The following EIF5B variants were observed in gnomAD, a reference collection of about 807,000 sequenced individuals.
The protein encoded by EIF5B is eIF-5B.
Under a neutral mutation model 147.5 loss-of-function variants are expected in EIF5B, and 47 were observed. The observed-to-expected ratio is 0.32, with a 90% CI of 0.25 to 0.41. EIF5B has a LOEUF of 0.41. Ranked by LOEUF, EIF5B falls within the 10% of genes least tolerant of loss-of-function variation. EIF5B has a pLI of 1.00. For synonymous variants in EIF5B, 455 were observed against 456.2 expected (o/e 1.00, Z 0.03); for missense variants, 1,064 against 1,413.2 (o/e 0.75, Z 3.96).
At chr2:99,338,610 T>G (rs1319369763) in intron 1 of EIF5B, among the ~76,000 whole-genome samples, 2 of 152,212 alleles carry the variant, frequency 1.3e-5, no homozygotes, top group Non-Finnish European at 2.9e-5. Context: ...TGAGTAGAAT[T>G]AAAAGACAAC....
intron 9 of EIF5B, among the ~76,000 whole-genome samples, chr2:99,374,150 G>A (rs1218818478): frequency 6.6e-5 from 10 of 152,050 alleles, no homozygotes; most frequent in African/African-American, 7.2e-5. Flanking sequence ...TTAGCTGGGC[G>A]TGGTGGCGTG....
At chr2:99,352,525 C>CTT (rs1163069277) in intron 1 of EIF5B, among the ~76,000 whole-genome samples, 21 of 128,176 alleles carry the variant, frequency 1.6e-4, no homozygotes, top group African/African-American at 4.3e-4. Context: ...CTAATTGTGT[C>CTT]TTTTTTTTTT....
chr2:99,382,720 T>A, intron 13 of EIF5B, 60 bp from the exon 14 acceptor site: 1 of 1,480,732 alleles, frequency 6.8e-7, no homozygotes, highest in Non-Finnish European at 9.0e-7. Flanking sequence ...GTTTAAAAGT[T>A]TAAGAAAAGT....
Position 99,364,318 on chromosome 2 carries a change from A to T in EIF5B, c.1185A>T (p.Lys395Asn). 6.2e-7 allele frequency: 1 copy of T among 1,607,334 alleles called. No homozygotes were observed. The highest frequency in any genetic ancestry group is 8.5e-7 in the Non-Finnish European group (1 of 1,178,362). Residue 395 changes from lysine to asparagine, a missense_variant, in exon 6 of 24, where the codon AAA becomes AAT. Transcript: ENST00000289371. The part of the protein sequence containing the change: ...EKRERKKQKE[K>N]ERKERLKKEG... ...GAGAAAGGAAAAAGCAAAAAGAAAA[A>T]GAAAGAAAAGAACGCTTGAAAAAAG...
intron 9 of EIF5B, among the ~76,000 whole-genome samples, chr2:99,374,308 A>G (rs1674518532): frequency 6.6e-6 from 1 of 151,518 alleles, no homozygotes; most frequent in Admixed American, 6.6e-5. Flanking sequence ...AAAAAAAAAA[A>G]AAGATATAAT....
chr2:99,372,665 G>A (rs933705726), intron 9 of EIF5B, among the ~76,000 whole-genome samples: 1 of 152,066 alleles, frequency 6.6e-6, no homozygotes, highest in Non-Finnish European at 1.5e-5. Context: ...TACAAAAATG[G>A]GCATTTTCTA....
intron 17 of EIF5B, among the ~76,000 whole-genome samples, chr2:99,391,890 CCTGG>C (rs1471299001): frequency 1.3e-5 from 2 of 151,814 alleles, no homozygotes; most frequent in African/African-American, 4.8e-5. Context: ...CACCACCACA[CCTGG>C]CTAATTTGTT....
chr2:99,374,659 C>A (rs911749328), intron 9 of EIF5B, among the ~76,000 whole-genome samples: 3 of 152,150 alleles, frequency 2.0e-5, no homozygotes, highest in Non-Finnish European at 4.4e-5. Flanking sequence ...TTCATTGTTC[C>A]TGTTGAGAAG....
chr2:99,378,070 G>A (rs935514726), intron 10 of EIF5B, among the ~76,000 whole-genome samples: 3 of 152,106 alleles, frequency 2.0e-5, no homozygotes, highest in East Asian at 3.9e-4. Context: ...AGGTTGTCGG[G>A]TACTACTCTT....
chr2:99,345,170 A>G (rs989905965), intron 1 of EIF5B, among the ~76,000 whole-genome samples: 2 of 152,234 alleles, frequency 1.3e-5, no homozygotes, highest in African/African-American at 2.4e-5. Flanking sequence ...AGTAATTATT[A>G]TAGTGTTAGA....
intron 15 of EIF5B, 114 bp from the exon 16 acceptor site, chr2:99,390,105 T>G: frequency 8.0e-7 from 1 of 1,248,078 alleles, no homozygotes; most frequent in Admixed American, 2.0e-5. Context: ...TTTTTAGTGT[T>G]TATGAGGAGT....
Position 99,361,749 on chromosome 2 carries a change from C to T in EIF5B, c.848C>T (p.Ser283Phe). 1 of 1,591,224 alleles carries T rather than the reference C, an allele frequency of 6.3e-7. No individual in the cohort carries two copies. The highest frequency in any genetic ancestry group is 8.5e-7 in the Non-Finnish European group (1 of 1,174,558). Residue 283 changes from serine (S) to phenylalanine (F), a missense_variant, in exon 4 of 24, where the codon TCC (serine) becomes TTC (phenylalanine). This residue lies in a region of EIF5B where 458 missense variants were observed against 451.3 expected (regional missense o/e 1.01). Transcript: ENST00000289371. ...QRKFEEETVK[S>F]KVTVDTGVIP... The stretch of plus-strand genomic sequence containing the variant: ...AAATTTGAAGAAGAAACTGTAAAAT[C>T]CAAAGTGACTGTTGATACTGGAGTA...
Position 99,400,139 on chromosome 2 carries a change from A to ATCTT in EIF5B, c.*726_*729dup, listed in dbSNP as rs563978190. On this transcript the variant is annotated 3_prime_UTR_variant, in exon 24 of 24. Transcript: ENST00000289371. ...AAGTTGTCCTCCTAGGACAAGAATTATCTTACAAACTAAACTATCATCACA... is the reference window on the plus strand; with the variant it reads ...AAGTTGTCCTCCTAGGACAAGAATTATCTTTCTTACAAACTAAACTATCATCACA... The ATCTT allele has an allele frequency of 6.6e-6, 1 of 152,042 alleles. No individual in the cohort carries two copies. The highest frequency in any genetic ancestry group is 1.9e-4 in the East Asian group (1 of 5,202). 9.4% of individuals were successfully genotyped at this position (152,042 alleles called of 1,614,324 possible). A position where few individuals can be genotyped will look rare whatever the true frequency, so the allele number is the denominator to read the frequency against.
At chr2:99,342,410 T>A (rs912410512) in intron 1 of EIF5B, among the ~76,000 whole-genome samples, 4 of 152,206 alleles carry the variant, frequency 2.6e-5, no homozygotes, top group Non-Finnish European at 5.9e-5. Flanking sequence ...TTTTTCTGGA[T>A]GCTAGAAATA....
rs1459674035 is a variant in EIF5B, at chr2:99,399,014, G to A, written c.3555+105G>A. 5.4e-6 allele frequency: 7 copies of A among 1,301,924 alleles called. No individual in the cohort carries two copies. The East Asian group carries it at 1.5e-4, about 27-fold the overall frequency. 80.6% of individuals were successfully genotyped at this position (1,301,924 alleles called of 1,614,324 possible). The stretch of plus-strand genomic sequence containing the variant: ...GGGCTTCAGTTTGATTGTAGAATCT[G>A]ATGGGACTGGATCCCCCATTAGGGC... On this transcript the variant is annotated intron_variant, in intron 23 of 23. Coordinates refer to ENST00000289371, the MANE Select transcript of EIF5B (RefSeq NM_015904.4).
In EIF5B at chr2:99,379,325, A is replaced by G; in HGVS notation, c.1958A>G (p.His653Arg). ...TTTGCTGTCTTCTCATAGCTCCGTC[A>G]CACACATGTACAAGATGGTGAAGCA... The part of the protein sequence containing the change: ...GKTKILDKLR[H>R]THVQDGEAGG... The change falls in exon 12 of 24, where the codon CAC (histidine) becomes CGC (arginine). Residue 653 changes from histidine (H) to arginine (R), a missense_variant. Physicochemically the swap from His to Arg is conservative, Grantham distance 29. Around this residue, in one of 4 missense-constraint regions of EIF5B, gnomAD observed 380 missense variants for 715.6 expected, o/e 0.53. Transcript: ENST00000289371. 2 of 1,611,528 alleles carry G rather than the reference A, an allele frequency of 1.2e-6. No homozygotes were observed. The highest frequency in any genetic ancestry group is 1.7e-6 in the Non-Finnish European group (2 of 1,178,806).
At chr2:99,358,746 AC>A (rs1016577381) in intron 1 of EIF5B, among the ~76,000 whole-genome samples, 10 of 152,168 alleles carry the variant, frequency 6.6e-5, no homozygotes, top group African/African-American at 2.2e-4. Flanking sequence ...TGGTATGTGT[AC>A]CCCTTTTACT....
Position 99,400,726 on chromosome 2 carries a change from AT to A in EIF5B, c.*1316del, listed in dbSNP as rs1379461321. On this transcript the variant is annotated 3_prime_UTR_variant, in exon 24 of 24. Coordinates refer to ENST00000289371, the MANE Select transcript of EIF5B (RefSeq NM_015904.4). ...TCTCCGCATGGAAGAAGTAGTAAAG[AT>A]TTTCTTAACATGCTCCTGTGTTCAT... 1 of 152,310 alleles carries A rather than the reference AT, an allele frequency of 6.6e-6. No individual in the cohort carries two copies. Among genetic ancestry groups the A allele is most frequent in the East Asian group, 1.9e-4 (1 of 5,198 alleles). 9.4% of individuals were successfully genotyped at this position (152,310 alleles called of 1,614,324 possible). A position where few individuals can be genotyped will look rare whatever the true frequency, so the allele number is the denominator to read the frequency against.
At chr2:99,398,961 C>A in intron 23 of EIF5B, 52 bp downstream of exon 23, 1 of 1,576,018 alleles carries the variant, frequency 6.3e-7, no homozygotes. Context: ...AATCACTCTT[C>A]TTGGGTCACC....
Sources: gnomAD v4.1 joint callset for allele counts (sites outside exome capture counted in the v4.1 genomes callset) on GRCh38, gnomAD v4.1.1 for gene constraint, gnomAD v4.1.1 regional missense constraint, MANE v1.5 for transcripts, NCBI Gene and HGNC (gene_info 2026-07-23, HGNC 2026-07-21) for gene names.